FARS2: variants seen among roughly 807,000 people sequenced by gnomAD.
FARS2 encodes the protein phenylalanyl-tRNA synthetase 2, mitochondrial, also known as phenylalanine--tRNA ligase, mitochondrial.
FARS2 carries 40 observed loss-of-function variants against 46.4 expected under a neutral mutation model. That is an observed-to-expected ratio of 0.86 (90% CI 0.67 to 1.12). FARS2 has a LOEUF of 1.12. Among genes scored for constraint, FARS2 ranks in the 50% most tolerant of loss-of-function variants. The pLI is 0.00. For synonymous variants in FARS2, 234 were observed against 214.9 expected, an observed-to-expected ratio of 1.09 and a Z score of -0.78; for missense variants, 513 against 567.9, an observed-to-expected ratio of 0.90 and a Z score of 0.98.
At chr6:5,455,830 C>T (rs1370074396) in intron 4 of FARS2, among the ~76,000 whole-genome samples, 1 of 152,178 alleles carries the variant, frequency 6.6e-6, no homozygotes, top group Non-Finnish European at 1.5e-5. Context: ...GCCTCAGTTT[C>T]TCATCTATAA....
chr6:5,557,634 T>C (rs1326252834), intron 5 of FARS2, among the ~76,000 whole-genome samples: 1 of 152,170 alleles, frequency 6.6e-6, no homozygotes, highest in Non-Finnish European at 1.5e-5. Context: ...CTCTTGTTAC[T>C]GTAGATATTT....
chr6:5,285,597 C>T (rs1767051899), intron 1 of FARS2, among the ~76,000 whole-genome samples: 1 of 152,192 alleles, frequency 6.6e-6, no homozygotes, highest in Non-Finnish European at 1.5e-5. Flanking sequence ...GCTGCATCAG[C>T]AAGTGCATTC....
chr6:5,384,818 A>G (rs1325032959), intron 2 of FARS2, among the ~76,000 whole-genome samples: 5 of 151,806 alleles, frequency 3.3e-5, no homozygotes, highest in Admixed American at 2.6e-4. Flanking sequence ...TCAGCCACCA[A>G]TGTATTTTTG....
chr6:5,409,257 G>A (rs1003825801), intron 3 of FARS2, among the ~76,000 whole-genome samples: 1 of 152,068 alleles, frequency 6.6e-6, no homozygotes, highest in African/African-American at 2.4e-5. Flanking sequence ...AAGACCTCCT[G>A]TCTAACATGG....
chr6:5,547,606 C>G (rs1019565586), intron 5 of FARS2, among the ~76,000 whole-genome samples: 1 of 152,190 alleles, frequency 6.6e-6, no homozygotes, highest in Admixed American at 6.5e-5. Flanking sequence ...GGATCTCTTT[C>G]TGCTTTCCAT....
chr6:5,404,331 T>TA (rs1457105132), intron 2 of FARS2, among the ~76,000 whole-genome samples: 3 of 152,226 alleles, frequency 2.0e-5, no homozygotes, highest in African/African-American at 7.2e-5. Flanking sequence ...CTTAATTCTC[T>TA]AAAAACCCCC....
intron 5 of FARS2, among the ~76,000 whole-genome samples, chr6:5,598,584 A>T (rs1010415595): frequency 6.6e-6 from 1 of 152,222 alleles, no homozygotes; most frequent in African/African-American, 2.4e-5. Context: ...TTCTGTCACC[A>T]AAAGGGGTAC....
At chr6:5,378,144 C>T (rs569673599) in intron 2 of FARS2, among the ~76,000 whole-genome samples, 1 of 152,246 alleles carries the variant, frequency 6.6e-6, no homozygotes, top group African/African-American at 2.4e-5. Context: ...GTGTTCAGTT[C>T]ATATACCACC....
At chr6:5,466,617 C>T (rs1345193856) in intron 4 of FARS2, 1 of 985,308 alleles carries the variant, frequency 1.0e-6, no homozygotes, top group Non-Finnish European at 1.2e-6. Context: ...GTCCTGATGG[C>T]ACCCAGCCAT....
chr6:5,467,959 A>C (rs1052076838), intron 4 of FARS2, among the ~76,000 whole-genome samples: 17 of 152,206 alleles, frequency 1.1e-4, no homozygotes, highest in African/African-American at 3.1e-4. Context: ...ATTAAATAGA[A>C]TATATATTGG....
intron 6 of FARS2, among the ~76,000 whole-genome samples, chr6:5,648,433 C>T (rs551231479): frequency 2.0e-5 from 3 of 152,308 alleles, no homozygotes; most frequent in African/African-American, 7.2e-5. Context: ...ACCTGGGATG[C>T]TGCATGTCAG....
intron 6 of FARS2, among the ~76,000 whole-genome samples, chr6:5,621,039 T>C (rs948335613): frequency 3.9e-5 from 6 of 152,240 alleles, no homozygotes; most frequent in African/African-American, 9.6e-5. Context: ...CAATTGATTC[T>C]TGAGTTCTTG....
chr6:5,359,228 CG>C (rs1311636527), intron 1 of FARS2, among the ~76,000 whole-genome samples: 1 of 151,418 alleles, frequency 6.6e-6, no homozygotes, highest in Non-Finnish European at 1.5e-5. Flanking sequence ...TTAGTACCGG[CG>C]GGGTTTCGCC....
At chr6:5,400,791 G>A (rs1402392088) in intron 2 of FARS2, among the ~76,000 whole-genome samples, 1 of 151,792 alleles carries the variant, frequency 6.6e-6, no homozygotes, top group Admixed American at 6.6e-5. Context: ...ATATTAATGT[G>A]TTTCTATGTG....
At chr6:5,549,066 A>G (rs1354325160) in intron 5 of FARS2, among the ~76,000 whole-genome samples, 1 of 152,190 alleles carries the variant, frequency 6.6e-6, no homozygotes, top group Admixed American at 6.5e-5. Context: ...ATTATTTTAC[A>G]GTTCTAGAGG....
At chr6:5,533,869 C>T (rs948703810) in intron 4 of FARS2, among the ~76,000 whole-genome samples, 4 of 152,138 alleles carry the variant, frequency 2.6e-5, no homozygotes, top group African/African-American at 7.2e-5. Flanking sequence ...TAAGGGGACC[C>T]GGTGGCAAGA....
intron 5 of FARS2, among the ~76,000 whole-genome samples, chr6:5,606,913 G>T (rs1453926022): frequency 6.6e-6 from 1 of 152,114 alleles, no homozygotes; most frequent in Non-Finnish European, 1.5e-5. Context: ...CCCTGAGGAA[G>T]ACATTATGTT....
intron 3 of FARS2, among the ~76,000 whole-genome samples, chr6:5,421,157 T>C (rs1480840611): frequency 1.3e-5 from 2 of 152,220 alleles, no homozygotes; most frequent in African/African-American, 2.4e-5. Context: ...TCTTGACTTC[T>C]GTGTACTCAC....
Position 5,625,213 on chromosome 6 carries a change from A to G in FARS2, c.1217+11893A>G, listed in dbSNP as rs180834909. Among the ~76,000 whole-genome samples the G allele has an allele frequency of 4.6e-5, 7 of 152,298 alleles. No individual in the cohort carries two copies. In the East Asian group the frequency reaches 1.4e-3, roughly 29 times the overall value. ...TTGTGAGAAAGTCTCAAGGATATGC[A>G]GGTAACACCTACTGGAGTCACGCTT... On this transcript the variant is annotated intron_variant, in intron 6 of 6. Transcript: ENST00000274680.
Sources: gnomAD v4.1 joint callset for allele counts (sites outside exome capture counted in the v4.1 genomes callset) on GRCh38, gnomAD v4.1.1 for gene constraint, MANE v1.5 for transcripts, NCBI Gene and HGNC (gene_info 2026-07-23, HGNC 2026-07-21) for gene names.